CFAP221: variants seen among roughly 807,000 people sequenced by gnomAD.
CFAP221 encodes the protein cilia and flagella associated protein 221.
A neutral mutation model predicts 113.1 loss-of-function variants in CFAP221; 97 were observed. The observed-to-expected ratio is 0.86, with a 90% CI of 0.73 to 1.02. The LOEUF (loss-of-function observed/expected upper bound fraction) is 1.02, where lower values mean the gene tolerates loss of function less well. CFAP221 is among the 50% of genes least tolerant of loss of function. The probability of loss-of-function intolerance (pLI) is 0.00; values close to 1 mark genes in which losing one functional copy is unlikely to be tolerated. For synonymous variants in CFAP221, 331 were observed against 354.4 expected (o/e 0.93, Z 0.74); for missense variants, 1,025 against 1,013.4 (o/e 1.01, Z -0.16).
At chr2:119,601,089 T>C (rs2104661735) in intron 7 of CFAP221, 129 bp from the exon 8 acceptor site, 1 of 919,230 alleles carries the variant, frequency 1.1e-6, no homozygotes, top group Non-Finnish European at 1.5e-6. Flanking sequence ...GGATTTTCAA[T>C]TGTGTGGGGA....
rs1327367791 is a variant in CFAP221, at chr2:119,615,656, A to T, written c.1357A>T (p.Thr453Ser). The T allele has an allele frequency of 2.5e-6, 4 of 1,613,306 alleles. No individual in the cohort carries two copies. Among genetic ancestry groups the T allele is most frequent in the Non-Finnish European group, 3.4e-6 (4 of 1,179,654 alleles). Residue 453 changes from threonine to serine, a missense_variant, in exon 14 of 24, where the codon ACT becomes TCT. Coordinates refer to ENST00000413369, the MANE Select transcript of CFAP221 (RefSeq NM_001271049.2). Reference sequence around the variant, plus strand: ...TACTTTTGATCCACTCATTAATAACACTTGGCTCAGCAGGTCCAGGGCACA... The same window carrying T: ...TACTTTTGATCCACTCATTAATAACTCTTGGCTCAGCAGGTCCAGGGCACA... ...HPTFDPLINN[T>S]WLSRSRAQKR... is the part of the protein sequence containing the mutation.
At chr2:119,658,549 A>G (rs941858203), downstream of CFAP221, among the ~76,000 whole-genome samples, 8 of 151,952 alleles carry the variant, frequency 5.3e-5, no homozygotes, top group Middle Eastern at 3.2e-3. Context: ...CTGTGGTCCA[A>G]TTGCTTCCGA....
chr2:119,602,332 G>A (rs1252884191), intron 8 of CFAP221, among the ~76,000 whole-genome samples: 3 of 152,108 alleles, frequency 2.0e-5, no homozygotes, highest in Non-Finnish European at 4.4e-5. Flanking sequence ...CCGAGATCAC[G>A]CCACGGCACT....
intron 6 of CFAP221, chr2:119,572,512 T>A: frequency 1.4e-6 from 1 of 690,040 alleles, no homozygotes; most frequent in South Asian, 1.5e-5. Flanking sequence ...TCTAAAAAGA[T>A]TCATGTTAAT....
At chr2:119,582,223 G>C (rs990324265) in intron 6 of CFAP221, among the ~76,000 whole-genome samples, 11 of 152,198 alleles carry the variant, frequency 7.2e-5, no homozygotes, top group African/African-American at 2.6e-4. Context: ...GAAGGAGAAT[G>C]GCAAACACCA....
chr2:119,621,944 T>G (rs1337130952), intron 14 of CFAP221, among the ~76,000 whole-genome samples: 1 of 152,018 alleles, frequency 6.6e-6, no homozygotes, highest in Admixed American at 6.5e-5. Flanking sequence ...AGGAAAGAAC[T>G]AAAATCGACA....
intron 7 of CFAP221, among the ~76,000 whole-genome samples, chr2:119,597,580 T>C (rs1684073255): frequency 6.6e-6 from 1 of 152,302 alleles, no homozygotes; most frequent in Non-Finnish European, 1.5e-5. Flanking sequence ...GGTGTCCAGG[T>C]TCTTGGCGTT....
At chr2:119,572,626 T>C (rs1210944596) in intron 6 of CFAP221, 1 of 691,880 alleles carries the variant, frequency 1.4e-6, no homozygotes, top group Non-Finnish European at 2.6e-6. Context: ...TCCCATCAAC[T>C]CATTTTCCTT....
At chr2:119,613,152 C>T (rs187976137) in intron 13 of CFAP221, among the ~76,000 whole-genome samples, 2 of 152,360 alleles carry the variant, frequency 1.3e-5, no homozygotes, top group Admixed American at 6.5e-5. Context: ...CTCCCATAGC[C>T]TTGGACTGCT....
chr2:119,557,665 G>A (rs1042557417), intron 3 of CFAP221, among the ~76,000 whole-genome samples: 3 of 152,210 alleles, frequency 2.0e-5, no homozygotes, highest in Non-Finnish European at 4.4e-5. Context: ...ATGGCTGCCT[G>A]TGGAGTGTAG....
intron 12 of CFAP221, 42 bp downstream of exon 12, chr2:119,608,631 T>A: frequency 6.5e-7 from 1 of 1,530,470 alleles, no homozygotes; most frequent in African/African-American, 1.4e-5. Flanking sequence ...TTTCGCTAGA[T>A]GTTTTTAAAT....
intron 7 of CFAP221, among the ~76,000 whole-genome samples, chr2:119,595,023 C>T (rs926520906): frequency 2.6e-5 from 4 of 152,184 alleles, no homozygotes; most frequent in African/African-American, 7.2e-5. Flanking sequence ...AGGAGAGTCA[C>T]CTGTCCTGTG....
intron 7 of CFAP221, among the ~76,000 whole-genome samples, chr2:119,600,503 A>G (rs771924558): frequency 6.6e-6 from 1 of 152,230 alleles, no homozygotes; most frequent in Non-Finnish European, 1.5e-5. Context: ...ATGTGTATAT[A>G]TTTGTAGAAG....
chr2:119,581,688 A>C (rs1682856314), intron 6 of CFAP221, among the ~76,000 whole-genome samples: 1 of 152,204 alleles, frequency 6.6e-6, no homozygotes, highest in South Asian at 2.1e-4. Context: ...ATTAAAGATA[A>C]TTATGAAGAT....
At chr2:119,546,310 C>G in intron 2 of CFAP221, 40 bp downstream of exon 2, 1 of 1,523,138 alleles carries the variant, frequency 6.6e-7, no homozygotes, top group Non-Finnish European at 8.8e-7. Context: ...CAGCTCACAT[C>G]TTCCCAGGCG....
At position 119,611,749 on chromosome 2, in the gene CFAP221, A is replaced by G. The variant is rs374641745; in HGVS notation, c.1311+7A>G. On this transcript the variant is annotated splice_region_variant and intron_variant, in intron 13 of 23. Coordinates refer to ENST00000413369, the MANE Select transcript of CFAP221 (RefSeq NM_001271049.2). ...TGTTCGCAATCAAGAAGAGGTGGGTAACTTTCCTTTATTTAGAATCTGATT... is the reference window on the plus strand; with the variant it reads ...TGTTCGCAATCAAGAAGAGGTGGGTGACTTTCCTTTATTTAGAATCTGATT... The G allele has an allele frequency of 3.4e-5, 55 of 1,601,730 alleles. 1 individual carries two copies. The Middle Eastern group carries it at 1.6e-3, about 48-fold the overall frequency.
chr2:119,639,512 G>A (rs1018469692), intron 20 of CFAP221, among the ~76,000 whole-genome samples: 2 of 152,244 alleles, frequency 1.3e-5, no homozygotes, highest in Admixed American at 1.3e-4. Flanking sequence ...GGCCGCAGCT[G>A]CCCTCCATCC....
downstream of CFAP221, among the ~76,000 whole-genome samples, chr2:119,657,841 G>A (rs1197621950): frequency 2.0e-5 from 3 of 152,186 alleles, no homozygotes; most frequent in Admixed American, 2.0e-4. Flanking sequence ...AGACTAGGGT[G>A]AGGTTATGCA....
chr2:119,601,115 C>A, intron 7 of CFAP221, 103 bp from the exon 8 acceptor site: 1 of 1,193,866 alleles, frequency 8.4e-7, no homozygotes, highest in Non-Finnish European at 1.1e-6. Context: ...TGCCCCTAAT[C>A]TCCACATTGT....
Sources: gnomAD v4.1 joint callset for allele counts (sites outside exome capture counted in the v4.1 genomes callset) on GRCh38, gnomAD v4.1.1 for gene constraint, MANE v1.5 for transcripts, NCBI Gene and HGNC (gene_info 2026-07-23, HGNC 2026-07-21) for gene names.